YME1L1: variants seen among roughly 807,000 people sequenced by gnomAD.
YME1L1 encodes YME1 like 1 ATPase.
YME1L1 carries 39 observed loss-of-function variants against 90.4 expected under a neutral mutation model. That is an observed-to-expected ratio of 0.43 (90% confidence interval 0.33 to 0.56). YME1L1 has a LOEUF of 0.56. Among genes scored for constraint, YME1L1 ranks in the 20% least tolerant of loss-of-function variants. The pLI is 0.03. For missense variants in YME1L1, 617 were observed against 868.4 expected (o/e 0.71, Z 3.64); for synonymous variants, 284 against 287.3 (o/e 0.99, Z 0.12).
chr10:27,111,835 G>T lies in YME1L1; in HGVS notation c.*142C>A. ...TGAGAATAACCCAAACTGGATAAAT[G>T]TGACAAATGATTGACAAAGCATTTC... On this transcript the variant is annotated 3_prime_UTR_variant, in exon 19 of 19. Coordinates refer to ENST00000376016, the MANE Select transcript of YME1L1 (RefSeq NM_014263.4). The T allele has an allele frequency of 9.0e-7, 1 of 1,114,726 alleles. No homozygotes were observed. Among genetic ancestry groups the T allele is most frequent in the Non-Finnish European group, 1.4e-6 (1 of 740,496 alleles). The allele number at this position is 1,114,726 out of a possible 1,614,324, so 69.1% of individuals were successfully genotyped here.
At position 27,150,922 on chromosome 10, in the gene YME1L1, T is replaced by C. The variant is rs1431449602; in HGVS notation, c.34-1882A>G. Among the ~76,000 whole-genome samples the C allele has an allele frequency of 8.3e-4, 10 of 12,092 alleles. No individual in the cohort carries two copies. In the East Asian group the frequency reaches 0.027, roughly 33 times the overall value. 7.9% of individuals were successfully genotyped at this position (12,092 alleles called of 152,430 possible). A position where few individuals can be genotyped will look rare whatever the true frequency, so the allele number is the denominator to read the frequency against. On this transcript the variant is annotated intron_variant, in intron 1 of 18. Coordinates refer to ENST00000376016, the MANE Select transcript of YME1L1 (RefSeq NM_014263.4). ...TTTCACTTTATAGACTCTCTCGCCTTTTTTTTTTTTTTTTTTTTTTTGAGA... is the reference window on the plus strand; with the variant it reads ...TTTCACTTTATAGACTCTCTCGCCTCTTTTTTTTTTTTTTTTTTTTTGAGA...
rs1207223401 is a variant in YME1L1, at chr10:27,111,036, AT to A, written c.*940del. ...CCAGGCATGCACCCCACACCTGGCT[AT>A]TTTTTTTTGTATTTAAATTTATTTT... On this transcript the variant is annotated 3_prime_UTR_variant, in exon 19 of 19. Transcript: ENST00000376016. 2.1e-5 allele frequency: 3 copies of A among 143,710 alleles called. No individual in the cohort carries two copies. Among genetic ancestry groups the A allele is most frequent in the East Asian group, 2.0e-4 (1 of 4,912 alleles). The allele number at this position is 143,710 out of a possible 1,614,324, so 8.9% of individuals were successfully genotyped here.
At chr10:27,118,930 G>A (rs902077310) in intron 14 of YME1L1, among the ~76,000 whole-genome samples, 2 of 152,124 alleles carry the variant, frequency 1.3e-5, no homozygotes, top group Admixed American at 1.3e-4. Flanking sequence ...ATGCCAAATT[G>A]TGGTGTTGTC....
Position 27,113,219 on chromosome 10 carries a change from CAAAAAA to C in YME1L1, c.2008-1105_2008-1100del, listed in dbSNP as rs869122796. ...TGGGTGACAGGGCAAGATGCTGTCT[CAAAAAA>C]AAAAAAAAAAAAAAAAAAAAAAAAA... On this transcript the variant is annotated intron_variant, in intron 18 of 18. Transcript: ENST00000376016. 1.7e-3 allele frequency among the ~76,000 whole-genome samples: 75 copies of C among 43,076 alleles called. 1 individual carries two copies. The highest frequency in any genetic ancestry group is 2.3e-3 in the Admixed American group (5 of 2,180). The allele number at this position is 43,076 out of a possible 152,430, so 28.3% of individuals were successfully genotyped here.
At chr10:27,153,989 T>C (rs2057274036) in intron 1 of YME1L1, among the ~76,000 whole-genome samples, 189 bp downstream of exon 1, 1 of 152,160 alleles carries the variant, frequency 6.6e-6, no homozygotes, top group South Asian at 2.1e-4. Context: ...AACAGCTTCA[T>C]CGTCAGCACT....
chr10:27,136,813 C>T (rs1322274681), intron 4 of YME1L1, among the ~76,000 whole-genome samples: 6 of 151,884 alleles, frequency 4.0e-5, no homozygotes, highest in Middle Eastern at 3.4e-3. Flanking sequence ...GCAACCTCCG[C>T]CTCCTGGGTT....
At chr10:27,112,759 C>T (rs925351017) in intron 18 of YME1L1, among the ~76,000 whole-genome samples, 1 of 151,618 alleles carries the variant, frequency 6.6e-6, no homozygotes. Context: ...GGAGTGAAGT[C>T]AGGCAATCAC....
intron 1 of YME1L1, 32 bp from the exon 2 acceptor site, chr10:27,149,072 G>GTT: frequency 6.6e-7 from 1 of 1,523,306 alleles, no homozygotes. Context: ...AAACTAAGTA[G>GTT]TTTTTTTTTA....
intron 2 of YME1L1, 36 bp downstream of exon 2, chr10:27,148,870 A>G: frequency 6.2e-7 from 1 of 1,611,154 alleles, no homozygotes; most frequent in Non-Finnish European, 8.5e-7. Flanking sequence ...CTGTATATCA[A>G]AAAGGCTTTC....
intron 13 of YME1L1, 57 bp from the exon 14 acceptor site, chr10:27,119,506 T>G: frequency 1.4e-5 from 21 of 1,537,170 alleles, no homozygotes; most frequent in Non-Finnish European, 1.8e-5. Flanking sequence ...AAGAAAGCTC[T>G]TCACAAAGAA....
chr10:27,124,551 G>C (rs976020767), intron 9 of YME1L1, among the ~76,000 whole-genome samples: 6 of 152,066 alleles, frequency 3.9e-5, no homozygotes, highest in Non-Finnish European at 8.8e-5. Context: ...GAAAGCTCAA[G>C]CTCAAAAATA....
intron 8 of YME1L1, among the ~76,000 whole-genome samples, chr10:27,128,996 G>C (rs1355942201): frequency 6.9e-6 from 1 of 145,434 alleles, no homozygotes; most frequent in Admixed American, 7.1e-5. Flanking sequence ...TAAGGCAGGA[G>C]TATCACTTGA....
At chr10:27,148,266 G>C (rs567299586) in intron 2 of YME1L1, among the ~76,000 whole-genome samples, 1 of 151,890 alleles carries the variant, frequency 6.6e-6, no homozygotes, top group South Asian at 2.1e-4. Context: ...GCAGTGGTGC[G>C]ATCTTGGCTC....
chr10:27,126,963 T>C (rs2056926376), intron 8 of YME1L1, among the ~76,000 whole-genome samples, 177 bp from the exon 9 acceptor site: 1 of 152,224 alleles, frequency 6.6e-6, no homozygotes, highest in South Asian at 2.1e-4. Context: ...GGTTTTCCCC[T>C]GACCATTATT....
At chr10:27,138,749 C>T (rs1398949979) in intron 4 of YME1L1, among the ~76,000 whole-genome samples, 1 of 151,882 alleles carries the variant, frequency 6.6e-6, no homozygotes, top group East Asian at 1.9e-4. Flanking sequence ...TATAATTTTA[C>T]TCCTTCTTTT....
intron 17 of YME1L1, among the ~76,000 whole-genome samples, chr10:27,115,165 A>C (rs2056799397): frequency 6.6e-6 from 1 of 152,200 alleles, no homozygotes; most frequent in South Asian, 2.1e-4. Context: ...AGGCAGGAGA[A>C]TCGCTTGAAC....
intron 8 of YME1L1, chr10:27,129,115 T>TAAAA (rs1554805110): frequency 2.0e-5 from 2 of 100,052 alleles, no homozygotes; most frequent in Non-Finnish European, 4.2e-5. Context: ...AAAAAAAAAC[T>TAAAA]CTCATTCCAA....
chr10:27,149,687 G>A (rs1319822012), intron 1 of YME1L1, among the ~76,000 whole-genome samples: 4 of 131,654 alleles, frequency 3.0e-5, no homozygotes, highest in African/African-American at 1.2e-4. Context: ...CTCTAGCCAG[G>A]GCAACAGGGT....
At chr10:27,145,290 AAAAAAAAAAAC>A (rs1460933389) in intron 3 of YME1L1, 127 bp downstream of exon 3, 42 of 368,916 alleles carry the variant, frequency 1.1e-4, no homozygotes, top group Non-Finnish European at 1.3e-4. Context: ...GAAAAATTGC[AAAAAAAAAAAC>A]AAAAAAAAAA....
Sources: allele counts gnomAD v4.1 joint callset (sites outside exome capture counted in the v4.1 genomes callset), GRCh38; gene constraint gnomAD v4.1.1; transcripts MANE v1.5; gene names NCBI Gene and HGNC (gene_info 2026-07-23, HGNC 2026-07-21).